The following ERCC6 variants were observed in gnomAD, a reference collection of about 807,000 sequenced individuals.
ERCC6 encodes ERCC excision repair 6, chromatin remodeling factor.
ERCC6 carries 116 observed loss-of-function variants against 158.7 expected under a neutral mutation model. The ratio of observed to expected loss-of-function variants is 0.73; its 90% CI spans 0.63 to 0.85. ERCC6 has a LOEUF of 0.85. Ranked by LOEUF, ERCC6 falls within the 40% of genes least tolerant of loss-of-function variation. The probability of loss-of-function intolerance (pLI) is 0.00; values close to 1 mark genes in which losing one functional copy is unlikely to be tolerated. For synonymous variants in ERCC6, 678 were observed against 659.3 expected (o/e 1.03, Z -0.43); for missense variants, 1,698 against 1,799.4 (o/e 0.94, Z 1.02).
At chr10:49,479,880 G>A (rs111689031) in intron 10 of ERCC6, among the ~76,000 whole-genome samples, 1,792 of 152,188 alleles carry the variant, frequency 0.012, 40 homozygotes, top group African/African-American at 0.041. Context: ...AACACAAGGT[G>A]GGGATTCAGC....
In ERCC6 at chr10:49,470,818, G is replaced by T; in HGVS notation, c.3142C>A (p.His1048Asn). Residue 1048 changes from histidine (H) to asparagine (N), a missense_variant, in exon 18 of 21, where the codon CAT (histidine) becomes AAT (asparagine). His to Asn is a moderately conservative substitution (Grantham distance 68). Transcript: ENST00000355832. ...RRIQPAFGAD[H>N]DVPKRKKFPA... The stretch of plus-strand genomic sequence containing the variant: ...AACTTCTTGCGTTTTGGAACATCAT[G>T]GTCTGCTCCAAAGGCTGGTTGAATC... The T allele has an allele frequency of 6.2e-7, 1 of 1,614,138 alleles. No homozygotes were observed. The highest frequency in any genetic ancestry group is 8.5e-7 in the Non-Finnish European group (1 of 1,180,010).
intron 18 of ERCC6, among the ~76,000 whole-genome samples, chr10:49,467,087 G>C (rs1438012319): frequency 2.6e-5 from 4 of 152,122 alleles, no homozygotes; most frequent in Non-Finnish European, 5.9e-5. Context: ...CTGTCGACTA[G>C]TATTTGATCA....
At chr10:49,449,913 C>T (rs141782823), downstream of ERCC6, among the ~76,000 whole-genome samples, 2,224 of 152,026 alleles carry the variant, frequency 0.015, 49 homozygotes, top group African/African-American at 0.05. Context: ...TGCTCTGTCA[C>T]CCAGGCTGGA....
rs1376902621 is a variant in ERCC6 at position 49,458,854 on chromosome 10, A to G, written c.4443T>C (p.Gly1481=). Reference sequence around the variant, plus strand: ...GCTTGAGTTTCCAAATTCCTTCACCACCAGAAGTTCTATGGAAAGTGCACA... The same window carrying G: ...GCTTGAGTTTCCAAATTCCTTCACCGCCAGAAGTTCTATGGAAAGTGCACA... ...RNLCTFHRTS[G]GEGIWKLKPE... Residue 1481 remains glycine, a synonymous_variant, in exon 21 of 21, where the codon GGT becomes GGC. Transcript: ENST00000355832. 1 of 1,614,170 alleles carries G rather than the reference A, an allele frequency of 6.2e-7. No individual in the cohort carries two copies. The highest frequency in any genetic ancestry group is 1.1e-5 in the South Asian group (1 of 91,082).
intron 4 of ERCC6, among the ~76,000 whole-genome samples, chr10:49,526,118 TA>T (rs1478222554): frequency 1.2e-3 from 3 of 2,536 alleles, no homozygotes; most frequent in African/African-American, 3.2e-3. Context: ...TATATATTTT[TA>T]TATATATATA....
intron 1 of ERCC6, among the ~76,000 whole-genome samples, chr10:49,534,758 G>C (rs1837559329): frequency 6.6e-6 from 1 of 152,176 alleles, no homozygotes; most frequent in Non-Finnish European, 1.5e-5. Flanking sequence ...CTTGCTTTTT[G>C]TTTAACTGTG....
chr10:49,489,028 C>T (rs4253149), intron 8 of ERCC6, among the ~76,000 whole-genome samples: 16 of 152,154 alleles, frequency 1.1e-4, no homozygotes, highest in Admixed American at 3.3e-4. Flanking sequence ...CATGATCCGC[C>T]GGCCTCAGCC....
the ERCC6 span, among the ~76,000 whole-genome samples, chr10:49,448,685 T>C: frequency 6.6e-6 from 1 of 152,230 alleles, no homozygotes; most frequent in African/African-American, 2.4e-5. Context: ...TTCCTGTTTC[T>C]ATAGATTTCC....
chr10:49,459,007 C>G lies in ERCC6; in HGVS notation c.4290G>C (p.Glu1430Asp), dbSNP rs762337440. ...PTTEHDDLLV[E>D]MRNFIAFQAH... ...CCTGGAAAGCGATGAAGTTTCTCAT[C>G]TCCACCAGAAGGTCATCGTGTTCTG... The change falls in exon 21 of 21, where the codon GAG (glutamate) becomes GAC (aspartate). Residue 1430 changes from glutamate to aspartate, a missense_variant. Glu to Asp is a conservative substitution (Grantham distance 45, BLOSUM62 2). Coordinates refer to ENST00000355832, the MANE Select transcript of ERCC6 (RefSeq NM_000124.4). The G allele has an allele frequency of 1.2e-6, 2 of 1,614,238 alleles. No individual in the cohort carries two copies. Among genetic ancestry groups the G allele is most frequent in the Non-Finnish European group, 1.7e-6 (2 of 1,180,052 alleles).
chr10:49,528,419 G>C lies in ERCC6; in HGVS notation c.650C>G (p.Ala217Gly). ...ELDHASLEED[A>G]EPGPSSLGSM... is the part of the protein sequence containing the mutation. ...GAAACTGCTCCTAGCATCCTCACCT[G>C]CATCCTCCTCCAGACTGGCGTGATC... Residue 217 changes from alanine (A) to glycine (G), a missense_variant and splice_region_variant, in exon 4 of 21, where the codon GCA becomes GGA. By Grantham distance (60) the Ala-to-Gly change is moderately conservative (BLOSUM62 0). Transcript: ENST00000355832. 6.2e-7 allele frequency: 1 copy of C among 1,614,150 alleles called. No homozygotes were observed. Among genetic ancestry groups the C allele is most frequent in the Non-Finnish European group, 8.5e-7 (1 of 1,180,010 alleles).
intron 3 of ERCC6, among the ~76,000 whole-genome samples, chr10:49,529,439 C>A (rs1004747965): frequency 5.3e-5 from 8 of 152,182 alleles, no homozygotes; most frequent in African/African-American, 1.9e-4. Flanking sequence ...ATGCTCTACA[C>A]CCTTGAAATT....
the ERCC6 span, among the ~76,000 whole-genome samples, chr10:49,447,349 C>G: frequency 6.6e-6 from 1 of 152,138 alleles, no homozygotes; most frequent in Non-Finnish European, 1.5e-5. Context: ...CATCTGGTTC[C>G]AAAGCACTTT....
Position 49,528,374 on chromosome 10 carries a change from C to T in ERCC6, c.652+43G>A, listed in dbSNP as rs72793796. The T allele has an allele frequency of 7.0e-3, 11,217 of 1,605,010 alleles. 56 individuals are homozygous for T. The highest frequency in any genetic ancestry group is 8.4e-3 in the Non-Finnish European group (9,820 of 1,171,890). ...CCCTCCACTGACTACAGGCATCAGGCATCAATTCAAGAACACAGAGAAACT... is the reference window on the plus strand; with the variant it reads ...CCCTCCACTGACTACAGGCATCAGGTATCAATTCAAGAACACAGAGAAACT... On this transcript the variant is annotated intron_variant, in intron 4 of 20. Transcript: ENST00000355832.
intron 4 of ERCC6, among the ~76,000 whole-genome samples, chr10:49,526,147 A>C (rs200091337): frequency 9.5e-6 from 1 of 105,234 alleles, no homozygotes; most frequent in African/African-American, 3.6e-5. Context: ...ATATATATAT[A>C]TATATATATA....
intron 8 of ERCC6, among the ~76,000 whole-genome samples, chr10:49,491,560 T>TA (rs1340482120): frequency 6.6e-6 from 1 of 152,210 alleles, no homozygotes; most frequent in African/African-American, 2.4e-5. Flanking sequence ...TATCTCTTCT[T>TA]AGAAGTTTGC....
At chr10:49,467,853 C>T (rs928321635) in intron 18 of ERCC6, among the ~76,000 whole-genome samples, 3 of 152,116 alleles carry the variant, frequency 2.0e-5, no homozygotes, top group African/African-American at 7.2e-5. Flanking sequence ...ACAGGCTGAG[C>T]CACCACACCC....
At chr10:49,463,214 T>C (rs1850615303) in intron 18 of ERCC6, among the ~76,000 whole-genome samples, 1 of 152,202 alleles carries the variant, frequency 6.6e-6, no homozygotes, top group African/African-American at 2.4e-5. Context: ...CTTACACACA[T>C]AGCCTGAAGG....
At chr10:49,473,847 C>G (rs1590408904) in intron 13 of ERCC6, among the ~76,000 whole-genome samples, 180 bp downstream of exon 13, 1 of 152,266 alleles carries the variant, frequency 6.6e-6, no homozygotes, top group East Asian at 1.9e-4. Context: ...TTTAAAAAGT[C>G]AACTTTTAGA....
At chr10:49,531,859 C>A (rs143030984) in intron 2 of ERCC6, among the ~76,000 whole-genome samples, 56 of 152,310 alleles carry the variant, frequency 3.7e-4, no homozygotes, top group African/African-American at 1.3e-3. Context: ...CTGCCCAGAA[C>A]ACTGCCCAAC....
Sources: gnomAD v4.1 joint callset for allele counts (sites outside exome capture counted in the v4.1 genomes callset) on GRCh38, gnomAD v4.1.1 for gene constraint, MANE v1.5 for transcripts, NCBI Gene and HGNC (gene_info 2026-07-23, HGNC 2026-07-21) for gene names.